EIF2AK4: variants seen among roughly 807,000 people sequenced by gnomAD.
EIF2AK4 encodes the protein eIF-2-alpha kinase GCN2.
In EIF2AK4, 139 loss-of-function variants were observed where a neutral mutation model predicts 211.1. The ratio of observed to expected loss-of-function variants is 0.66; its 90% confidence interval spans 0.57 to 0.76. The LOEUF (loss-of-function observed/expected upper bound fraction) is 0.76. EIF2AK4 is among the 30% of genes least tolerant of loss of function. EIF2AK4 has a pLI of 0.00. For synonymous variants in EIF2AK4, 710 were observed against 751.3 expected (o/e 0.94, Z 0.90); for missense variants, 1,664 against 2,043.8 (o/e 0.81, Z 3.58).
chr15:39,995,005 C>A (rs2035000539), intron 18 of EIF2AK4, among the ~76,000 whole-genome samples: 1 of 152,096 alleles, frequency 6.6e-6, no homozygotes, highest in Admixed American at 6.5e-5. Context: ...CCATGCCTGG[C>A]TAATTTTTGT....
At chr15:40,022,339 C>T in intron 31 of EIF2AK4, 180 bp from the exon 32 acceptor site, 1 of 557,328 alleles carries the variant, frequency 1.8e-6, no homozygotes, top group Non-Finnish European at 3.1e-6. Flanking sequence ...CAAGAGAGGC[C>T]TTGTTCCTCC....
rs8035930 is a variant in EIF2AK4 at position 39,965,402 on chromosome 15, G to A, written c.860-284G>A. 0.35 allele frequency among the ~76,000 whole-genome samples: 52,494 copies of A among 152,080 alleles called. 9,132 individuals are homozygous for A. The highest frequency in any genetic ancestry group is 0.36 in the Middle Eastern group (107 of 294). On this transcript the variant is annotated intron_variant, in intron 7 of 38. Coordinates refer to ENST00000263791, the MANE Select transcript of EIF2AK4 (RefSeq NM_001013703.4). ...GCCTTCCAAAATGCTGGGATTACAGGCGTGAGCCACCACGCCTGGCCAAAC... is the reference window on the plus strand; with the variant it reads ...GCCTTCCAAAATGCTGGGATTACAGACGTGAGCCACCACGCCTGGCCAAAC...
chr15:39,983,627 A>AGAAGG (rs772650886), intron 13 of EIF2AK4, among the ~76,000 whole-genome samples: 1 of 152,176 alleles, frequency 6.6e-6, no homozygotes, highest in Non-Finnish European at 1.5e-5. Context: ...TTTTTGGTAG[A>AGAAGG]GAAGGGGTTT....
chr15:40,021,139 T>G, intron 31 of EIF2AK4, 112 bp downstream of exon 31: 1 of 1,258,032 alleles, frequency 7.9e-7, no homozygotes. Flanking sequence ...TAATTCGAGT[T>G]GCCTCCTGTG....
intron 13 of EIF2AK4, among the ~76,000 whole-genome samples, chr15:39,985,227 T>C (rs1229160581): frequency 6.6e-6 from 1 of 152,196 alleles, no homozygotes; most frequent in East Asian, 1.9e-4. Flanking sequence ...GGATAAGCTT[T>C]TTAATGTGCT....
At chr15:40,013,776 A>T (rs1473955376) in intron 27 of EIF2AK4, among the ~76,000 whole-genome samples, 2 of 152,166 alleles carry the variant, frequency 1.3e-5, no homozygotes, top group Non-Finnish European at 2.9e-5. Context: ...GACACAGCTA[A>T]ACCATATCAT....
chr15:39,981,317 C>T (rs563748322), intron 13 of EIF2AK4, among the ~76,000 whole-genome samples: 1 of 152,146 alleles, frequency 6.6e-6, no homozygotes, highest in South Asian at 2.1e-4. Flanking sequence ...TTACAGTGAG[C>T]CCAGATCACG....
chr15:40,000,918 G>A (rs1288771078), intron 20 of EIF2AK4, 70 bp from the exon 21 acceptor site: 2 of 1,500,278 alleles, frequency 1.3e-6, no homozygotes, highest in African/African-American at 1.4e-5. Context: ...ACTGACTACT[G>A]ACTTGTCCGG....
At position 39,976,765 on chromosome 15, in the gene EIF2AK4, C is replaced by G. The variant is rs2034700823; in HGVS notation, c.2170C>G (p.Pro724Ala). 6.3e-7 allele frequency: 1 copy of G among 1,595,904 alleles called. No homozygotes were observed. The highest frequency in any genetic ancestry group is 8.5e-7 in the Non-Finnish European group (1 of 1,174,150). The change falls in exon 12 of 39, where the codon CCC (proline) becomes GCC (alanine). Residue 724 changes from proline to alanine, a missense_variant. Coordinates refer to ENST00000263791, the MANE Select transcript of EIF2AK4 (RefSeq NM_001013703.4). ...SGERSASARFPATGPGSSDDE... is the reference protein window; with the variant it reads ...SGERSASARFAATGPGSSDDE... ...CGAGCGCTCGGCCAGTGCCCGTTTC[C>G]CCGCCACCGGCCCGGGCTCCAGCGA...
intron 13 of EIF2AK4, 61 bp from the exon 14 acceptor site, chr15:39,985,744 G>A: frequency 2.0e-6 from 3 of 1,531,084 alleles, no homozygotes; most frequent in Non-Finnish European, 9.0e-7. Context: ...CTTAATGATG[G>A]TGATGATTTT....
chr15:39,962,550 C>T (rs2034487878), intron 7 of EIF2AK4, among the ~76,000 whole-genome samples: 1 of 152,142 alleles, frequency 6.6e-6, no homozygotes. Flanking sequence ...CCTCAAACTC[C>T]TGGGCTCACT....
chr15:39,969,758 A>G (rs1411098114), intron 9 of EIF2AK4, among the ~76,000 whole-genome samples: 2 of 152,174 alleles, frequency 1.3e-5, no homozygotes, highest in Admixed American at 1.3e-4. Flanking sequence ...GCTGCCAAGA[A>G]CTGTTTTTAT....
intron 7 of EIF2AK4, among the ~76,000 whole-genome samples, chr15:39,962,777 T>G (rs776532516): frequency 2.6e-5 from 4 of 152,228 alleles, no homozygotes; most frequent in Non-Finnish European, 4.4e-5. Context: ...GTTCAGCAAA[T>G]CAGAATTTGA....
intron 28 of EIF2AK4, 106 bp downstream of exon 28, chr15:40,016,778 C>A: frequency 7.2e-7 from 1 of 1,385,466 alleles, no homozygotes; most frequent in East Asian, 2.4e-5. Flanking sequence ...TTTATTTTTC[C>A]AGAAAAACTG....
At chr15:40,012,563 T>C (rs895299775) in intron 27 of EIF2AK4, among the ~76,000 whole-genome samples, 1 of 152,074 alleles carries the variant, frequency 6.6e-6, no homozygotes, top group African/African-American at 2.4e-5. Flanking sequence ...CATGTGTAAA[T>C]AGCACAGAGA....
rs758191372 is a variant in EIF2AK4, at chr15:39,978,158, G to T, written c.2319+11G>T. The T allele has an allele frequency of 3.5e-6, 5 of 1,445,744 alleles. No homozygotes were observed. In the African/African-American group the frequency reaches 5.6e-5, roughly 16 times the overall value. 89.6% of individuals were successfully genotyped at this position (1,445,744 alleles called of 1,614,324 possible). A position where few individuals can be genotyped will look rare whatever the true frequency, so the allele number is the denominator to read the frequency against. ...AAAAGTCAGAATCAGGTATATATAT[G>T]AATAGAAATTATATCATTTTATTCG... is the stretch of plus-strand genomic sequence containing the variant. On this transcript the variant is annotated intron_variant, in intron 13 of 38. Coordinates refer to ENST00000263791, the MANE Select transcript of EIF2AK4 (RefSeq NM_001013703.4).
chr15:39,984,690 G>C (rs2034840426), intron 13 of EIF2AK4, among the ~76,000 whole-genome samples: 1 of 152,168 alleles, frequency 6.6e-6, no homozygotes, highest in African/African-American at 2.4e-5. Context: ...TGTGATTTTT[G>C]CACATTGATT....
At chr15:39,936,391 G>A (rs2034064672) in intron 1 of EIF2AK4, among the ~76,000 whole-genome samples, 1 of 152,178 alleles carries the variant, frequency 6.6e-6, no homozygotes, top group African/African-American at 2.4e-5. Context: ...CCAGGGAAAA[G>A]TGATGCAGGT....
At chr15:40,022,773 T>G (rs908877601) in intron 32 of EIF2AK4, among the ~76,000 whole-genome samples, 168 bp downstream of exon 32, 5 of 151,904 alleles carry the variant, frequency 3.3e-5, no homozygotes, top group African/African-American at 4.8e-5. Context: ...TCTCGCTGTC[T>G]CCCAGGCTGG....
Sources: gnomAD v4.1 joint callset for allele counts (sites outside exome capture counted in the v4.1 genomes callset) on GRCh38, gnomAD v4.1.1 for gene constraint, MANE v1.5 for transcripts, NCBI Gene and HGNC (gene_info 2026-07-23, HGNC 2026-07-21) for gene names.